SLC1A3: variants seen among roughly 807,000 people sequenced by gnomAD.
The protein encoded by SLC1A3 is excitatory amino acid transporter 1.
Under a neutral mutation model 48.1 loss-of-function variants are expected in SLC1A3, and 21 were observed. The ratio of observed to expected loss-of-function variants is 0.44; its 90% CI spans 0.31 to 0.63. SLC1A3 has a LOEUF of 0.63. Among genes scored for constraint, SLC1A3 ranks in the 20% least tolerant of loss-of-function variants. The probability of loss-of-function intolerance (pLI) is 0.08; values close to 1 mark genes in which losing one functional copy is unlikely to be tolerated. For missense variants in SLC1A3, 546 were observed against 689.0 expected, an observed-to-expected ratio of 0.79 and a Z score of 2.32; for synonymous variants, 239 against 251.4, an observed-to-expected ratio of 0.95 and a Z score of 0.47.
chr5:36,636,508 T>TC (rs1740388724), intron 3 of SLC1A3: 5 of 139,218 alleles, frequency 3.6e-5, no homozygotes, highest in African/African-American at 1.3e-4. Flanking sequence ...TCTTTCTTTT[T>TC]CTTTCTTTCT....
At chr5:36,625,073 C>T (rs1016343951) in intron 2 of SLC1A3, among the ~76,000 whole-genome samples, 10 of 152,236 alleles carry the variant, frequency 6.6e-5, no homozygotes, top group Non-Finnish European at 1.2e-4. Flanking sequence ...GAGCACTGGG[C>T]TTTGTGTAGA....
chr5:36,627,496 A>T (rs1208200050), intron 2 of SLC1A3, among the ~76,000 whole-genome samples: 1 of 101,312 alleles, frequency 9.9e-6, no homozygotes, highest in South Asian at 3.2e-4. Flanking sequence ...AAACTACACT[A>T]AAAAAAAAAA....
chr5:36,622,791 C>G (rs958268625), intron 2 of SLC1A3, among the ~76,000 whole-genome samples: 2 of 152,022 alleles, frequency 1.3e-5, no homozygotes, highest in African/African-American at 4.8e-5. Flanking sequence ...GTGGGCAGAT[C>G]ACGAGGTCAG....
intron 3 of SLC1A3, chr5:36,629,864 T>G (rs901272138): frequency 4.5e-6 from 2 of 440,192 alleles, no homozygotes; most frequent in African/African-American, 2.0e-5. Context: ...CACCACACCA[T>G]CAGCCTTCTC....
Position 36,680,503 on chromosome 5 carries a change from G to A in SLC1A3, c.1203G>A (p.Gly401=). The A allele has an allele frequency of 6.2e-7, 1 of 1,614,188 alleles. No individual in the cohort carries two copies. The highest frequency in any genetic ancestry group is 8.5e-7 in the Non-Finnish European group (1 of 1,179,982). Residue 401 remains glycine (G), a synonymous_variant, in exon 8 of 10, where the codon GGG becomes GGA. Transcript: ENST00000265113. ...LPVGATINMD[G]TALYEALAAI... ...TAGGAGCCACCATTAACATGGATGG[G>A]ACTGCCCTCTATGAGGCTTTGGCTG...
intron 2 of SLC1A3, among the ~76,000 whole-genome samples, chr5:36,616,891 T>C (rs974722738): frequency 6.6e-6 from 1 of 152,234 alleles, no homozygotes; most frequent in Non-Finnish European, 1.5e-5. Flanking sequence ...GTCATGCTTT[T>C]ATTTAGTTAT....
At chr5:36,600,794 G>A (rs1471005301) in intron 1 of SLC1A3, among the ~76,000 whole-genome samples, 1 of 152,182 alleles carries the variant, frequency 6.6e-6, no homozygotes, top group Non-Finnish European at 1.5e-5. Flanking sequence ...TGACTCAGGA[G>A]CACAGCCCAA....
At chr5:36,675,430 G>T (rs1280854058) in intron 5 of SLC1A3, among the ~76,000 whole-genome samples, 1 of 152,172 alleles carries the variant, frequency 6.6e-6, no homozygotes, top group Non-Finnish European at 1.5e-5. Context: ...AGATCCTTCA[G>T]ATGGAAAAAG....
chr5:36,658,942 G>A (rs953917710), intron 3 of SLC1A3, among the ~76,000 whole-genome samples: 5 of 151,970 alleles, frequency 3.3e-5, no homozygotes, highest in African/African-American at 9.7e-5. Flanking sequence ...TCCCAGGGCT[G>A]TGACAGTAGC....
chr5:36,685,189 T>G (rs1278519751), intron 9 of SLC1A3, among the ~76,000 whole-genome samples: 1 of 152,272 alleles, frequency 6.6e-6, no homozygotes, highest in Non-Finnish European at 1.5e-5. Flanking sequence ...ATGAATTTAT[T>G]ATCATCTTTA....
intron 3 of SLC1A3, among the ~76,000 whole-genome samples, chr5:36,666,752 T>C (rs1741765297): frequency 6.6e-6 from 1 of 152,238 alleles, no homozygotes; most frequent in South Asian, 2.1e-4. Context: ...GTCATATTAA[T>C]TATTATACCA....
At chr5:36,614,580 C>T (rs1489394981) in intron 2 of SLC1A3, among the ~76,000 whole-genome samples, 3 of 152,152 alleles carry the variant, frequency 2.0e-5, no homozygotes, top group African/African-American at 7.2e-5. Flanking sequence ...CAGCAGACTA[C>T]TTAGTGGAGG....
chr5:36,629,712 A>AT, intron 3 of SLC1A3, 125 bp downstream of exon 3: 1 of 818,656 alleles, frequency 1.2e-6, no homozygotes. Context: ...AAAAAAAAAA[A>AT]GTCCCTTCAA....
At chr5:36,681,598 C>A (rs949529282) in intron 8 of SLC1A3, among the ~76,000 whole-genome samples, 1 of 152,188 alleles carries the variant, frequency 6.6e-6, no homozygotes, top group Non-Finnish European at 1.5e-5. Flanking sequence ...TACCTTCCCC[C>A]CATCTCTTAG....
At chr5:36,607,871 ATCAGTATCTTAATTATTTTTAT>A (rs1311460990) in intron 1 of SLC1A3, among the ~76,000 whole-genome samples, 2 of 152,210 alleles carry the variant, frequency 1.3e-5, no homozygotes, top group African/African-American at 2.4e-5. Context: ...ACTCCCACCT[ATCAGTATCTTAATTATTTTTAT>A]TGACCTGGTT....
rs1421702928 is a variant in SLC1A3 at position 36,686,816 on chromosome 5, AG to A, written c.*549del. 1 of 170,666 alleles carries A rather than the reference AG, an allele frequency of 5.9e-6. No individual in the cohort carries two copies. The highest frequency in any genetic ancestry group is 1.3e-5 in the Non-Finnish European group (1 of 79,624). 10.6% of individuals were successfully genotyped at this position (170,666 alleles called of 1,614,324 possible). On this transcript the variant is annotated 3_prime_UTR_variant, in exon 10 of 10. Transcript: ENST00000265113. Reference sequence around the variant, plus strand: ...TAGCACAGCTGTGAGGACAGACAGAAGGCAAAGTTTCCATGTGGCCTTGAGC... The same window carrying A: ...TAGCACAGCTGTGAGGACAGACAGAAGCAAAGTTTCCATGTGGCCTTGAGC...
chr5:36,634,150 C>A (rs1740243753), intron 3 of SLC1A3, among the ~76,000 whole-genome samples: 1 of 152,044 alleles, frequency 6.6e-6, no homozygotes, highest in East Asian at 1.9e-4. Flanking sequence ...GTGGCGTGTG[C>A]CTGTAATCCC....
At chr5:36,685,999 C>A (rs908061237) in intron 9 of SLC1A3, 66 bp from the exon 10 acceptor site, 3 of 1,321,276 alleles carry the variant, frequency 2.3e-6, no homozygotes, top group Non-Finnish European at 2.2e-6. Flanking sequence ...CAGTTCCTAA[C>A]GTAAGTTGAA....
intron 8 of SLC1A3, among the ~76,000 whole-genome samples, chr5:36,681,850 T>G (rs773561615): frequency 1.3e-5 from 2 of 152,198 alleles, no homozygotes; most frequent in Non-Finnish European, 2.9e-5. Context: ...AAAGTACATT[T>G]TGGAGAGCAA....
Sources: gnomAD v4.1 joint callset for allele counts (sites outside exome capture counted in the v4.1 genomes callset) on GRCh38, gnomAD v4.1.1 for gene constraint, MANE v1.5 for transcripts, NCBI Gene and HGNC (gene_info 2026-07-23, HGNC 2026-07-21) for gene names.